Variants in DNAL1 observed in about 807,000 individuals in gnomAD.
The protein encoded by DNAL1 is chromosome 14 open reading frame 168.
In DNAL1, 17 loss-of-function variants were observed where a neutral mutation model predicts 29.4. The observed-to-expected ratio is 0.58, with a 90% CI of 0.40 to 0.87. The LOEUF (loss-of-function observed/expected upper bound fraction) is 0.87, where lower values mean the gene tolerates loss of function less well. Among genes scored for constraint, DNAL1 ranks in the 40% least tolerant of loss-of-function variants. DNAL1 has a pLI of 0.00. For missense variants in DNAL1, 188 were observed against 214.1 expected (o/e 0.88, Z 0.76); for synonymous variants, 78 against 76.3 (o/e 1.02, Z -0.12).
chr14:73,666,653 T>A, intron 4 of DNAL1, among the ~76,000 whole-genome samples: 1 of 152,224 alleles, frequency 6.6e-6, no homozygotes, highest in Non-Finnish European at 1.5e-5. Context: ...ATGGTCTTTT[T>A]AGCCATTCGT....
chr14:73,671,180 T>C (rs1482487134), intron 4 of DNAL1, among the ~76,000 whole-genome samples: 1 of 152,176 alleles, frequency 6.6e-6, no homozygotes, highest in Non-Finnish European at 1.5e-5. Context: ...GTTCTTATTT[T>C]CTAGTATGAG....
At chr14:73,692,642 C>T (rs187772650) in intron 7 of DNAL1, among the ~76,000 whole-genome samples, 5 of 151,718 alleles carry the variant, frequency 3.3e-5, no homozygotes, top group African/African-American at 9.7e-5. Context: ...ATAGAACCAC[C>T]AATGTAGAAC....
intron 5 of DNAL1, among the ~76,000 whole-genome samples, chr14:73,683,150 A>G (rs1420187992): frequency 6.6e-6 from 1 of 152,168 alleles, no homozygotes; most frequent in Non-Finnish European, 1.5e-5. Context: ...TGCTGGGATT[A>G]CAGGCGTGAG....
chr14:73,678,798 A>ATATTTAG (rs1422659987), intron 5 of DNAL1, among the ~76,000 whole-genome samples: 9 of 152,202 alleles, frequency 5.9e-5, no homozygotes, highest in Non-Finnish European at 7.3e-5. Context: ...ATTAATAAAT[A>ATATTTAG]CTATGCATTG....
intron 5 of DNAL1, among the ~76,000 whole-genome samples, chr14:73,677,603 C>T (rs1016130813): frequency 6.6e-6 from 1 of 150,444 alleles, no homozygotes; most frequent in African/African-American, 2.4e-5. Flanking sequence ...GTCGCCCAGG[C>T]TGGAGTGCAG....
At chr14:73,682,979 C>T (rs1171080927) in intron 5 of DNAL1, among the ~76,000 whole-genome samples, 5 of 150,080 alleles carry the variant, frequency 3.3e-5, no homozygotes, top group South Asian at 4.2e-4. Context: ...TGGGTTCAAG[C>T]GATTCTTCTG....
chr14:73,684,789 C>T (rs565951114), intron 5 of DNAL1, among the ~76,000 whole-genome samples: 37 of 152,208 alleles, frequency 2.4e-4, no homozygotes, highest in Non-Finnish European at 3.8e-4. Flanking sequence ...TCTAACTACT[C>T]AGGGGGCTGA....
intron 1 of DNAL1, among the ~76,000 whole-genome samples, chr14:73,653,774 G>C (rs997025660): frequency 1.3e-5 from 2 of 151,812 alleles, no homozygotes; most frequent in African/African-American, 4.8e-5. Flanking sequence ...GTTATTCTTT[G>C]GGGTTCTTTT....
chr14:73,684,669 G>C (rs1891970072), intron 5 of DNAL1, among the ~76,000 whole-genome samples: 2 of 152,252 alleles, frequency 1.3e-5, no homozygotes, highest in South Asian at 2.1e-4. Flanking sequence ...GGTCGAGGCA[G>C]GATTGCTTGA....
In DNAL1 at chr14:73,671,567, A is replaced by G. The variant is rs746314619; in HGVS notation, c.234A>G (p.Gly78=). The G allele has an allele frequency of 8.0e-6, 12 of 1,495,566 alleles. No individual in the cohort carries two copies. The highest frequency in any genetic ancestry group is 9.8e-6 in the Non-Finnish European group (11 of 1,117,412). 92.6% of individuals were successfully genotyped at this position (1,495,566 alleles called of 1,614,324 possible). A position where few individuals can be genotyped will look rare whatever the true frequency, so the allele number is the denominator to read the frequency against. The change falls in exon 5 of 8, where the codon GGA becomes GGG. Residue 78 remains glycine, a synonymous_variant. Transcript: ENST00000553645. The part of the protein sequence containing the change: ...GLKNLRILSL[G]RNNIKNLNGL... ...AAAACTTGAGGATATTATCTTTAGG[A>G]AGAAACAACATAAAGAACTTAAATG...
In DNAL1 at chr14:73,695,927, G is replaced by C; in HGVS notation, c.558G>C (p.Glu186Asp). 1 of 1,589,824 alleles carries C rather than the reference G, an allele frequency of 6.3e-7. No individual in the cohort carries two copies. The highest frequency in any genetic ancestry group is 8.6e-7 in the Non-Finnish European group (1 of 1,166,686). ...LDGTPVIKGD[E>D]EEDN Reference sequence around the variant, plus strand: ...GTACTCCAGTAATTAAAGGGGATGAGGAAGAAGACAACTAATGCCACGCTT... The same window carrying C: ...GTACTCCAGTAATTAAAGGGGATGACGAAGAAGACAACTAATGCCACGCTT... Residue 186 changes from glutamate to aspartate, a missense_variant, in exon 8 of 8, where the codon GAG becomes GAC. Transcript: ENST00000553645.
chr14:73,695,625 G>C (rs1338548456), intron 7 of DNAL1, among the ~76,000 whole-genome samples: 1 of 151,986 alleles, frequency 6.6e-6, no homozygotes, highest in Non-Finnish European at 1.5e-5. Context: ...TGCCTCCCGG[G>C]TTCAAGCGAT....
chr14:73,661,018 T>A (rs758938116), intron 3 of DNAL1, among the ~76,000 whole-genome samples: 7 of 152,176 alleles, frequency 4.6e-5, no homozygotes, highest in Non-Finnish European at 1.0e-4. Context: ...ATTTGGCCAG[T>A]CATTTACCTG....
intron 3 of DNAL1, among the ~76,000 whole-genome samples, chr14:73,660,800 A>G (rs1891324196): frequency 6.6e-6 from 1 of 152,208 alleles, no homozygotes; most frequent in South Asian, 2.1e-4. Flanking sequence ...CTCAAAGGCA[A>G]ACAAATTTGA....
intron 4 of DNAL1, among the ~76,000 whole-genome samples, chr14:73,670,551 T>A (rs997497413): frequency 6.6e-6 from 1 of 152,086 alleles, no homozygotes; most frequent in Non-Finnish European, 1.5e-5. Flanking sequence ...GCACCTGGTT[T>A]TATTCAAATG....
intron 3 of DNAL1, among the ~76,000 whole-genome samples, chr14:73,660,260 T>G (rs1299183217): frequency 6.6e-6 from 1 of 152,222 alleles, no homozygotes; most frequent in Non-Finnish European, 1.5e-5. Flanking sequence ...ATCCTGTGAC[T>G]TTAAATATCA....
intron 4 of DNAL1, among the ~76,000 whole-genome samples, chr14:73,662,973 C>G (rs2140034816): frequency 6.6e-6 from 1 of 152,112 alleles, no homozygotes; most frequent in Admixed American, 6.6e-5. Context: ...TGAAGGAGCT[C>G]TCAAATAAAG....
chr14:73,694,544 A>ATT (rs5809625), intron 7 of DNAL1, among the ~76,000 whole-genome samples: 180 of 150,948 alleles, frequency 1.2e-3, no homozygotes, highest in Non-Finnish European at 1.9e-3. Flanking sequence ...CTCTACAGTG[A>ATT]TTTTTTTTTC....
chr14:73,691,545 T>G (rs983338270), intron 7 of DNAL1, among the ~76,000 whole-genome samples: 1 of 151,958 alleles, frequency 6.6e-6, no homozygotes, highest in African/African-American at 2.4e-5. Context: ...TGAGACTCTG[T>G]CTCAGAAACA....
Sources: allele counts gnomAD v4.1 joint callset (sites outside exome capture counted in the v4.1 genomes callset), GRCh38; gene constraint gnomAD v4.1.1; transcripts MANE v1.5; gene names NCBI Gene and HGNC (gene_info 2026-07-23, HGNC 2026-07-21).